MDGA2: variants seen among roughly 807,000 people sequenced by gnomAD.
MDGA2 encodes the protein MAM domain containing glycosylphosphatidylinositol anchor 2.
Under a neutral mutation model 117.8 loss-of-function variants are expected in MDGA2, and 40 were observed. The ratio of observed to expected loss-of-function variants is 0.34; its 90% CI spans 0.26 to 0.44. The LOEUF is 0.44. Among genes scored for constraint, MDGA2 ranks in the 20% least tolerant of loss-of-function variants. The probability of loss-of-function intolerance (pLI) is 1.00; values close to 1 mark genes in which losing one functional copy is unlikely to be tolerated. For synonymous variants in MDGA2, 452 were observed against 439.0 expected (o/e 1.03, Z -0.37); for missense variants, 1,123 against 1,250.6 (o/e 0.90, Z 1.54).
chr14:47,468,564 A>G (rs1481989796), intron 1 of MDGA2, among the ~76,000 whole-genome samples: 2 of 152,142 alleles, frequency 1.3e-5, no homozygotes, highest in Admixed American at 1.3e-4. Flanking sequence ...CCAATTCTAA[A>G]CGACACTTAA....
chr14:47,171,683 G>T (rs1884142800), intron 3 of MDGA2, among the ~76,000 whole-genome samples: 1 of 152,188 alleles, frequency 6.6e-6, no homozygotes, highest in African/African-American at 2.4e-5. Context: ...GGCCGAATAG[G>T]AACAGCTCCG....
At chr14:47,171,963 G>A (rs771688819) in intron 3 of MDGA2, among the ~76,000 whole-genome samples, 5 of 152,250 alleles carry the variant, frequency 3.3e-5, no homozygotes, top group East Asian at 3.9e-4. Context: ...CTTTTCCGAC[G>A]GGCTTAAAAA....
intron 1 of MDGA2, among the ~76,000 whole-genome samples, chr14:47,459,540 TCTTTCTTC>T (rs1452192035): frequency 1.4e-5 from 1 of 72,516 alleles, no homozygotes; most frequent in Non-Finnish European, 3.6e-5. Flanking sequence ...CCCTTCTCTT[TCTTTCTTC>T]CTTCCTTCCT....
intron 6 of MDGA2, among the ~76,000 whole-genome samples, chr14:47,072,540 C>T (rs963264092): frequency 6.6e-6 from 1 of 152,160 alleles, no homozygotes; most frequent in Non-Finnish European, 1.5e-5. Flanking sequence ...GAAAGTGAAA[C>T]TATGATAGTG....
chr14:47,655,954 G>A (rs1158660434), intron 1 of MDGA2, among the ~76,000 whole-genome samples: 5 of 152,150 alleles, frequency 3.3e-5, no homozygotes, highest in Non-Finnish European at 7.4e-5. Flanking sequence ...AAAGTCTACG[G>A]CAAGTCCCTG....
At chr14:46,863,243 CT>C (rs1881584266) in intron 14 of MDGA2, among the ~76,000 whole-genome samples, 1 of 152,050 alleles carries the variant, frequency 6.6e-6, no homozygotes, top group African/African-American at 2.4e-5. Flanking sequence ...TAATGTACCC[CT>C]CAGTCTTCTC....
At chr14:47,102,387 A>G (rs1880381980) in intron 5 of MDGA2, among the ~76,000 whole-genome samples, 1 of 149,518 alleles carries the variant, frequency 6.7e-6, no homozygotes, top group African/African-American at 2.5e-5. Context: ...ACACACACAC[A>G]CACACAAACA....
At chr14:47,564,748 T>A (rs971172175) in intron 1 of MDGA2, among the ~76,000 whole-genome samples, 2 of 152,218 alleles carry the variant, frequency 1.3e-5, no homozygotes, top group Admixed American at 6.5e-5. Flanking sequence ...GTCGGGGATG[T>A]CAATGAGTCA....
intron 15 of MDGA2, among the ~76,000 whole-genome samples, chr14:46,846,242 TAACTC>T (rs1350914100): frequency 2.0e-5 from 3 of 152,196 alleles, no homozygotes; most frequent in Non-Finnish European, 4.4e-5. Context: ...TATCTGAACA[TAACTC>T]ATAACATTAG....
chr14:46,881,422 G>A (rs1882454654), intron 11 of MDGA2, among the ~76,000 whole-genome samples: 1 of 152,124 alleles, frequency 6.6e-6, no homozygotes, highest in Non-Finnish European at 1.5e-5. Context: ...GTGTGATACT[G>A]TAATGGTGGA....
At chr14:47,391,135 G>A (rs1418188433) in intron 1 of MDGA2, among the ~76,000 whole-genome samples, 2 of 152,154 alleles carry the variant, frequency 1.3e-5, no homozygotes, top group South Asian at 2.1e-4. Flanking sequence ...ACCCTCCTCC[G>A]GTATGATATC....
At chr14:47,397,933 T>G (rs767456670) in intron 1 of MDGA2, among the ~76,000 whole-genome samples, 1 of 152,166 alleles carries the variant, frequency 6.6e-6, no homozygotes, top group African/African-American at 2.4e-5. Context: ...ATCTGGTGAC[T>G]AACAATTACA....
chr14:47,424,634 G>A (rs1892648079), intron 1 of MDGA2, among the ~76,000 whole-genome samples: 1 of 152,116 alleles, frequency 6.6e-6, no homozygotes, highest in African/African-American at 2.4e-5. Context: ...TAAGCAAACA[G>A]TGAAATTCTA....
In MDGA2 at chr14:47,495,131, A is replaced by G. The variant is rs371010267; in HGVS notation, c.280+179386T>C. ...TCTCTTTTGCAGCAACATGGGTGGA[A>G]CTGGAAGCAATTATCCTTAGTGAAA... is the stretch of plus-strand genomic sequence containing the variant. On this transcript the variant is annotated intron_variant, in intron 1 of 16. Transcript: ENST00000399232. 3.8e-3 allele frequency among the ~76,000 whole-genome samples: 575 copies of G among 152,164 alleles called. 2 individuals carry two copies. Among genetic ancestry groups the G allele is most frequent in the African/African-American group, 0.013 (544 of 41,516 alleles).
At chr14:47,151,288 A>G (rs1019212046) in intron 3 of MDGA2, among the ~76,000 whole-genome samples, 2 of 152,212 alleles carry the variant, frequency 1.3e-5, no homozygotes, top group Non-Finnish European at 2.9e-5. Flanking sequence ...AAGGAGATTG[A>G]TGCTTCACTG....
intron 1 of MDGA2, among the ~76,000 whole-genome samples, chr14:47,494,663 C>T (rs1452601617): frequency 6.6e-6 from 1 of 151,976 alleles, no homozygotes; most frequent in Non-Finnish European, 1.5e-5. Flanking sequence ...TCAGGTCTTA[C>T]ATCTAGTTTT....
chr14:47,106,686 CT>C (rs1325795225), intron 5 of MDGA2, among the ~76,000 whole-genome samples: 1 of 151,980 alleles, frequency 6.6e-6, no homozygotes, highest in Non-Finnish European at 1.5e-5. Context: ...CGGAAGCCCC[CT>C]AGACCATCAC....
At chr14:47,024,549 T>C (rs938621777) in intron 8 of MDGA2, among the ~76,000 whole-genome samples, 1 of 152,216 alleles carries the variant, frequency 6.6e-6, no homozygotes, top group Non-Finnish European at 1.5e-5. Context: ...ATTAATTTAG[T>C]GTAATTATCT....
chr14:47,116,327 T>A (rs1342883558), intron 5 of MDGA2, among the ~76,000 whole-genome samples: 1 of 152,070 alleles, frequency 6.6e-6, no homozygotes, highest in East Asian at 1.9e-4. Context: ...TGTTAAAATG[T>A]CCATACTGCC....
Sources: gnomAD v4.1 joint callset for allele counts (sites outside exome capture counted in the v4.1 genomes callset) on GRCh38, gnomAD v4.1.1 for gene constraint, MANE v1.5 for transcripts, NCBI Gene and HGNC (gene_info 2026-07-23, HGNC 2026-07-21) for gene names.